Variants in PARVB observed in about 807,000 individuals in gnomAD.
PARVB encodes the protein parvin beta.
In PARVB, 46 loss-of-function variants were observed where a neutral mutation model predicts 47.0. The observed-to-expected ratio is 0.98, with a 90% confidence interval of 0.77 to 1.25. The LOEUF (loss-of-function observed/expected upper bound fraction) is 1.25, where lower values mean the gene tolerates loss of function less well. Among genes scored for constraint, PARVB ranks in the 50% most tolerant of loss-of-function variants. The probability of loss-of-function intolerance (pLI) is 0.00; values close to 1 mark genes in which losing one functional copy is unlikely to be tolerated. For synonymous variants in PARVB, 196 were observed against 196.3 expected, an observed-to-expected ratio of 1.00 and a Z score of 0.01; for missense variants, 473 against 471.6, an observed-to-expected ratio of 1.00 and a Z score of -0.03.
At chr22:44,095,583 C>A (rs934778890) in intron 2 of PARVB, among the ~76,000 whole-genome samples, 1 of 152,190 alleles carries the variant, frequency 6.6e-6, no homozygotes, top group Non-Finnish European at 1.5e-5. Flanking sequence ...CAGAGCTGCC[C>A]GCGGCCTGGG....
At chr22:44,051,916 G>C (rs1470887915) in intron 1 of PARVB, among the ~76,000 whole-genome samples, 1 of 151,562 alleles carries the variant, frequency 6.6e-6, no homozygotes, top group African/African-American at 2.4e-5. Context: ...ACAGAGATTG[G>C]AGAGATGCTG....
At chr22:44,063,891 C>T (rs1308598122) in intron 1 of PARVB, among the ~76,000 whole-genome samples, 1 of 152,180 alleles carries the variant, frequency 6.6e-6, no homozygotes, top group African/African-American at 2.4e-5. Context: ...CTCTCTGTTG[C>T]CACATTCCGT....
At chr22:44,037,271 A>G (rs2050938871) in intron 1 of PARVB, among the ~76,000 whole-genome samples, 1 of 151,864 alleles carries the variant, frequency 6.6e-6, no homozygotes, top group Admixed American at 6.6e-5. Context: ...AAAAATACAA[A>G]AATTAGCCAG....
chr22:44,080,464 T>C (rs1311448945), intron 1 of PARVB, among the ~76,000 whole-genome samples: 2 of 152,204 alleles, frequency 1.3e-5, no homozygotes, highest in African/African-American at 4.8e-5. Context: ...CTCCCGATCT[T>C]TCTCTGTCTC....
At chr22:44,145,502 G>A (rs2053644398) in intron 8 of PARVB, 1 of 152,338 alleles carries the variant, frequency 6.6e-6, no homozygotes, top group South Asian at 2.1e-4. Context: ...TTGTATTGGG[G>A]CCCCAGCCTG....
At chr22:44,030,117 A>G (rs2050799034) in intron 1 of PARVB, among the ~76,000 whole-genome samples, 1 of 152,166 alleles carries the variant, frequency 6.6e-6, no homozygotes, top group Non-Finnish European at 1.5e-5. Context: ...CCAAAACACT[A>G]AGACGCACCA....
At chr22:44,055,678 C>CTCTCTCTCTCTCTCTCTATATATATA (rs1438284048) in intron 1 of PARVB, among the ~76,000 whole-genome samples, 5 of 142,678 alleles carry the variant, frequency 3.5e-5, no homozygotes, top group African/African-American at 1.3e-4. Flanking sequence ...CTCTCTCTCT[C>CTCTCTCTCTCTCTCTCTATATATATA]TATATATATA....
At chr22:44,004,329 A>G (rs1475069580) in intron 2 of PARVB, among the ~76,000 whole-genome samples, 1 of 152,238 alleles carries the variant, frequency 6.6e-6, no homozygotes, top group Non-Finnish European at 1.5e-5. Context: ...AATTAATAAA[A>G]TCAACTATAA....
At chr22:44,027,914 C>CATATATATATATATATATATATAT (rs3083338) in intron 1 of PARVB, among the ~76,000 whole-genome samples, 3 of 133,250 alleles carry the variant, frequency 2.3e-5, no homozygotes, top group African/African-American at 8.4e-5. Flanking sequence ...AAAAAAAAAC[C>CATATATATATATATATATATATAT]ATATATATAT....
intron 10 of PARVB, chr22:44,153,188 C>T (rs1430165871): frequency 6.6e-6 from 1 of 152,182 alleles, no homozygotes; most frequent in Non-Finnish European, 1.5e-5. Context: ...CTGTTTGAGA[C>T]GTTAGCACCC....
At chr22:44,129,345 C>T (rs985986505) in intron 4 of PARVB, among the ~76,000 whole-genome samples, 2 of 152,186 alleles carry the variant, frequency 1.3e-5, no homozygotes, top group Non-Finnish European at 1.5e-5. Context: ...TTGTTTAAGC[C>T]GCACGGTGTG....
chr22:44,030,869 G>C (rs909112514), intron 1 of PARVB, among the ~76,000 whole-genome samples: 6 of 152,110 alleles, frequency 3.9e-5, no homozygotes, highest in Admixed American at 6.5e-5. Context: ...AGGGCCCGTA[G>C]AAAAGTGGCT....
intron 2 of PARVB, among the ~76,000 whole-genome samples, chr22:44,007,585 T>C (rs541261540): frequency 4.7e-4 from 71 of 152,334 alleles, no homozygotes; most frequent in African/African-American, 1.6e-3. Flanking sequence ...TTTAGAGGCT[T>C]TTCCAATCCC....
intron 4 of PARVB, among the ~76,000 whole-genome samples, chr22:44,127,878 A>G (rs958491688): frequency 2.0e-5 from 3 of 151,690 alleles, no homozygotes; most frequent in Admixed American, 6.6e-5. Flanking sequence ...CTTGACCCCT[A>G]GGCTTGGATG....
chr22:44,126,192 G>A (rs1569136984), intron 4 of PARVB, among the ~76,000 whole-genome samples: 2 of 152,208 alleles, frequency 1.3e-5, no homozygotes, highest in Non-Finnish European at 2.9e-5. Context: ...CACCCAAAGA[G>A]GGTGTTCCAA....
intron 1 of PARVB, among the ~76,000 whole-genome samples, chr22:44,053,493 T>G (rs2146942613): frequency 6.6e-6 from 1 of 152,282 alleles, no homozygotes; most frequent in South Asian, 2.1e-4. Context: ...ACCGTACAGG[T>G]AGCGGGGATG....
At chr22:44,043,950 G>T (rs1274044260) in intron 1 of PARVB, among the ~76,000 whole-genome samples, 1 of 152,122 alleles carries the variant, frequency 6.6e-6, no homozygotes, top group Non-Finnish European at 1.5e-5. Context: ...CCATATCAAG[G>T]TCTCACACTG....
intron 2 of PARVB, among the ~76,000 whole-genome samples, chr22:44,098,001 G>C (rs938040509): frequency 1.7e-4 from 25 of 150,838 alleles, no homozygotes; most frequent in Non-Finnish European, 3.0e-5. Context: ...TCAGACGTGG[G>C]CTCAGAGCCT....
At chr22:44,095,896 A>G (rs17582891) in intron 2 of PARVB, among the ~76,000 whole-genome samples, 12,592 of 152,262 alleles carry the variant, frequency 0.083, 554 homozygotes, top group Middle Eastern at 0.12. Flanking sequence ...AGGTCGCACC[A>G]GGGTCCACGG....
Sources: gnomAD v4.1 joint callset for allele counts (sites outside exome capture counted in the v4.1 genomes callset) on GRCh38, gnomAD v4.1.1 for gene constraint, MANE v1.5 for transcripts, NCBI Gene and HGNC (gene_info 2026-07-23, HGNC 2026-07-21) for gene names.